Variants in LRP1B observed in about 807,000 individuals in gnomAD.
The protein encoded by LRP1B is low-density lipoprotein receptor-related protein 1B.
A neutral mutation model predicts 556.6 loss-of-function variants in LRP1B; 217 were observed. The ratio of observed to expected loss-of-function variants is 0.39; its 90% CI spans 0.35 to 0.44. The LOEUF is 0.44. Among genes scored for constraint, LRP1B ranks in the 20% least tolerant of loss-of-function variants. LRP1B has a pLI of 1.00. For synonymous variants in LRP1B, 2,047 were observed against 1,865.8 expected (o/e 1.10, Z -2.50); for missense variants, 5,053 against 5,620.8 (o/e 0.90, Z 3.23).
chr2:140,379,302 C>T (rs1318935152), intron 67 of LRP1B, among the ~76,000 whole-genome samples: 1 of 151,906 alleles, frequency 6.6e-6, no homozygotes, highest in East Asian at 1.9e-4. Flanking sequence ...GTAAATCAGT[C>T]TGCATCTGGA....
At chr2:141,360,376 T>C (rs1688779691) in intron 3 of LRP1B, among the ~76,000 whole-genome samples, 1 of 152,254 alleles carries the variant, frequency 6.6e-6, no homozygotes, top group South Asian at 2.1e-4. Context: ...GCCAGAATTA[T>C]CTTGCAGGAA....
At chr2:140,341,286 G>A (rs550521187) in intron 77 of LRP1B, among the ~76,000 whole-genome samples, 2 of 151,514 alleles carry the variant, frequency 1.3e-5, no homozygotes, top group South Asian at 4.2e-4. Context: ...TAATTTTCTA[G>A]CATTTTATTA....
intron 5 of LRP1B, among the ~76,000 whole-genome samples, chr2:141,244,562 C>T (rs1053122698): frequency 6.6e-6 from 1 of 152,148 alleles, no homozygotes. Flanking sequence ...TTGTTTCTAG[C>T]ACTTGTCAGA....
At chr2:140,640,303 T>C (rs965178757) in intron 41 of LRP1B, among the ~76,000 whole-genome samples, 4 of 150,382 alleles carry the variant, frequency 2.7e-5, no homozygotes, top group African/African-American at 9.8e-5. Context: ...AAATGCTACA[T>C]TGTTTAAGAT....
intron 86 of LRP1B, among the ~76,000 whole-genome samples, chr2:140,255,482 T>G (rs1390861363): frequency 6.6e-6 from 1 of 152,208 alleles, no homozygotes; most frequent in African/African-American, 2.4e-5. Flanking sequence ...TCTACTTATA[T>G]ATGCATTCAT....
At chr2:141,037,780 C>A (rs1698575557) in intron 11 of LRP1B, among the ~76,000 whole-genome samples, 1 of 151,858 alleles carries the variant, frequency 6.6e-6, no homozygotes, top group East Asian at 1.9e-4. Context: ...GCAAAAACTT[C>A]ATGTCCTTTG....
chr2:141,012,297 G>A (rs1271128711), intron 14 of LRP1B, among the ~76,000 whole-genome samples: 2 of 151,990 alleles, frequency 1.3e-5, no homozygotes, highest in Non-Finnish European at 2.9e-5. Context: ...AAGGGAAATG[G>A]AAAATGTGAT....
At chr2:141,641,193 G>C (rs1031902783) in intron 2 of LRP1B, among the ~76,000 whole-genome samples, 1 of 114,338 alleles carries the variant, frequency 8.7e-6, no homozygotes. Flanking sequence ...AGTATAGCTG[G>C]GTAGCTCAGT....
At chr2:141,273,530 C>CA (rs1038606866) in intron 3 of LRP1B, among the ~76,000 whole-genome samples, 1 of 151,436 alleles carries the variant, frequency 6.6e-6, no homozygotes, top group Non-Finnish European at 1.5e-5. Context: ...AATCCACATG[C>CA]AAAAAAAATA....
At chr2:141,867,659 T>C (rs1301101098) in intron 1 of LRP1B, among the ~76,000 whole-genome samples, 8 of 152,172 alleles carry the variant, frequency 5.3e-5, no homozygotes, top group Admixed American at 5.2e-4. Flanking sequence ...CTCTTAGTTA[T>C]CTTATGATAT....
intron 6 of LRP1B, among the ~76,000 whole-genome samples, chr2:141,202,804 A>T (rs1222555554): frequency 6.6e-6 from 1 of 151,994 alleles, no homozygotes; most frequent in Non-Finnish European, 1.5e-5. Context: ...GTTTTATTAC[A>T]TAGGTATACA....
intron 1 of LRP1B, among the ~76,000 whole-genome samples, chr2:141,997,631 A>G (rs1312875604): frequency 7.3e-6 from 1 of 137,518 alleles, no homozygotes; most frequent in African/African-American, 2.7e-5. Flanking sequence ...TATAGGCTTG[A>G]GCCACTGCAC....
rs192593091 is a variant in LRP1B at position 142,054,038 on chromosome 2, T to C, written c.82+76610A>G. Among the ~76,000 whole-genome samples, 46 of 152,256 alleles carry C rather than the reference T, an allele frequency of 3.0e-4. No homozygotes were observed. In the East Asian group the frequency reaches 8.5e-3, roughly 28 times the overall value. On this transcript the variant is annotated intron_variant, in intron 1 of 90. Coordinates refer to ENST00000389484, the MANE Select transcript of LRP1B (RefSeq NM_018557.3). ...AGAAACCCTCGATCACACTTTAAGC[T>C]AATCGTTGGAGCACTAGGTACTCTC...
At chr2:141,599,200 C>T (rs1687644868) in intron 2 of LRP1B, among the ~76,000 whole-genome samples, 1 of 151,642 alleles carries the variant, frequency 6.6e-6, no homozygotes, top group African/African-American at 2.4e-5. Flanking sequence ...TTGTTCATAG[C>T]TACTGTGTTA....
chr2:141,202,816 GT>G (rs1223172666), intron 6 of LRP1B, among the ~76,000 whole-genome samples: 1 of 151,914 alleles, frequency 6.6e-6, no homozygotes, highest in Non-Finnish European at 1.5e-5. Flanking sequence ...AGGTATACAT[GT>G]TTGCTGCACC....
chr2:141,078,625 GAAAGAGAA>G (rs1295259785), intron 7 of LRP1B, among the ~76,000 whole-genome samples: 1 of 4,446 alleles, frequency 2.2e-4, no homozygotes, highest in Non-Finnish European at 1.0e-3. Flanking sequence ...GAGGGAGAGA[GAAAGAGAA>G]AGAGAAATGA....
Position 140,734,061 on chromosome 2 carries a change from CA to C in LRP1B, c.5759-17246del, listed in dbSNP as rs1203797717. ...GATGATCAACCATAATATATGGTAACAAAAAGTTCAGTGAAAATCCAATGGG... is the reference window on the plus strand; with the variant it reads ...GATGATCAACCATAATATATGGTAACAAAAGTTCAGTGAAAATCCAATGGG... On this transcript the variant is annotated intron_variant, in intron 35 of 90. Coordinates refer to ENST00000389484, the MANE Select transcript of LRP1B (RefSeq NM_018557.3). Among the ~76,000 whole-genome samples, 7 of 152,180 alleles carry C rather than the reference CA, an allele frequency of 4.6e-5. 1 individual carries two copies. Among genetic ancestry groups the C allele is most frequent in the African/African-American group, 1.7e-4 (7 of 41,516 alleles).
intron 86 of LRP1B, among the ~76,000 whole-genome samples, chr2:140,253,619 A>T (rs1197047465): frequency 1.3e-5 from 2 of 152,068 alleles, no homozygotes; most frequent in Non-Finnish European, 2.9e-5. Context: ...ATATATATTT[A>T]AAAAATATGT....
chr2:141,214,601 T>C (rs1162145307), intron 6 of LRP1B, among the ~76,000 whole-genome samples: 1 of 152,210 alleles, frequency 6.6e-6, no homozygotes, highest in Non-Finnish European at 1.5e-5. Context: ...AATTTACCTT[T>C]ATTTTAAATG....
Sources: gnomAD v4.1 joint callset for allele counts (sites outside exome capture counted in the v4.1 genomes callset) on GRCh38, gnomAD v4.1.1 for gene constraint, MANE v1.5 for transcripts, NCBI Gene and HGNC (gene_info 2026-07-23, HGNC 2026-07-21) for gene names.